TMEM163: variants seen among roughly 807,000 people sequenced by gnomAD.
TMEM163 encodes transmembrane protein 163.
Under a neutral mutation model 29.3 loss-of-function variants are expected in TMEM163, and 17 were observed. That is an observed-to-expected ratio of 0.58 (90% CI 0.40 to 0.87). The LOEUF is 0.87. TMEM163 is among the 40% of genes least tolerant of loss of function. The pLI, the probability that TMEM163 is intolerant of heterozygous loss-of-function variation, is 0.00. For missense variants in TMEM163, 303 were observed against 381.5 expected (o/e 0.79, Z 1.71); for synonymous variants, 157 against 160.6 (o/e 0.98, Z 0.17).
intron 4 of TMEM163, among the ~76,000 whole-genome samples, chr2:134,540,502 G>C (rs765418794): frequency 6.6e-6 from 1 of 152,306 alleles, no homozygotes; most frequent in East Asian, 1.9e-4. Flanking sequence ...AGTTAATTTT[G>C]GGTTGTAGCT....
At chr2:134,603,283 C>T (rs545079689) in intron 2 of TMEM163, among the ~76,000 whole-genome samples, 1 of 152,298 alleles carries the variant, frequency 6.6e-6, no homozygotes, top group Admixed American at 6.5e-5. Context: ...AGTTCAAGTT[C>T]AAAAACCATA....
At chr2:134,617,700 G>A (rs1682640485) in intron 2 of TMEM163, among the ~76,000 whole-genome samples, 4 of 149,760 alleles carry the variant, frequency 2.7e-5, no homozygotes, top group African/African-American at 9.8e-5. Context: ...CAAAAAAAAT[G>A]AGACATAGAA....
rs146433292 is a variant in TMEM163 at position 134,574,847 on chromosome 2, A to G, written c.323-22756T>C. On this transcript the variant is annotated intron_variant, in intron 2 of 7. Transcript: ENST00000281924. Reference sequence around the variant, plus strand: ...CTGCCTAAGGGCTCCCAGGTGAGGGATAGAGTGGCTGCTGAAACCCAGGCC... The same window carrying G: ...CTGCCTAAGGGCTCCCAGGTGAGGGGTAGAGTGGCTGCTGAAACCCAGGCC... Among the ~76,000 whole-genome samples, 72 of 152,272 alleles carry G rather than the reference A, an allele frequency of 4.7e-4. No homozygotes were observed. In the Middle Eastern group the frequency reaches 0.014, roughly 29 times the overall value.
At chr2:134,602,933 C>T (rs1401267274) in intron 2 of TMEM163, among the ~76,000 whole-genome samples, 5 of 152,112 alleles carry the variant, frequency 3.3e-5, no homozygotes, top group Admixed American at 2.6e-4. Flanking sequence ...GTATCTCAGT[C>T]CTCACCTAGC....
At chr2:134,613,480 CA>C in intron 2 of TMEM163, among the ~76,000 whole-genome samples, 1 of 151,980 alleles carries the variant, frequency 6.6e-6, no homozygotes, top group African/African-American at 2.4e-5. Context: ...TACTGAAAGC[CA>C]AAAACAGTGG....
intron 5 of TMEM163, among the ~76,000 whole-genome samples, chr2:134,496,717 G>A (rs375547216): frequency 1.3e-5 from 2 of 152,328 alleles, no homozygotes; most frequent in African/African-American, 4.8e-5. Context: ...GACAAGGAGA[G>A]CTTGGAAGGG....
chr2:134,631,657 C>T (rs1348523528), intron 2 of TMEM163, among the ~76,000 whole-genome samples: 2 of 152,192 alleles, frequency 1.3e-5, no homozygotes, highest in Non-Finnish European at 1.5e-5. Context: ...CTGGGTTCTT[C>T]GTGTTCCATC....
intron 1 of TMEM163, among the ~76,000 whole-genome samples, chr2:134,714,282 A>G (rs1376648014): frequency 2.0e-5 from 3 of 152,204 alleles, no homozygotes; most frequent in Non-Finnish European, 4.4e-5. Context: ...AGCTTATTAC[A>G]CCATCTCTGG....
Position 134,473,866 on chromosome 2 carries a change from G to A in TMEM163, c.556-7641C>T, listed in dbSNP as rs751288918. ...TGTATCAACCGAAGACCTTGAAACTGTAGTGAAAATCCTTCTCACAAAACT... is the reference window on the plus strand; with the variant it reads ...TGTATCAACCGAAGACCTTGAAACTATAGTGAAAATCCTTCTCACAAAACT... On this transcript the variant is annotated intron_variant, in intron 5 of 7. Transcript: ENST00000281924. Among the ~76,000 whole-genome samples the A allele has an allele frequency of 6.6e-4, 101 of 152,200 alleles. 2 individuals carry two copies. The highest frequency in any genetic ancestry group is 1.6e-4 in the Non-Finnish European group (11 of 68,046).
chr2:134,498,643 T>C (rs1679633219), intron 5 of TMEM163, among the ~76,000 whole-genome samples: 2 of 152,174 alleles, frequency 1.3e-5, no homozygotes, highest in South Asian at 4.1e-4. Context: ...GCATGTGGGC[T>C]TTCAAGAGAC....
chr2:134,654,233 G>A (rs1277418602), intron 2 of TMEM163, among the ~76,000 whole-genome samples: 1 of 131,230 alleles, frequency 7.6e-6, no homozygotes, highest in Non-Finnish European at 1.6e-5. Flanking sequence ...GGCTGCTCCT[G>A]TATTGGGTGC....
chr2:134,718,946 T>G lies in TMEM163; in HGVS notation c.-11A>C. 9.6e-7 allele frequency: 1 copy of G among 1,037,396 alleles called. No individual in the cohort carries two copies. Among genetic ancestry groups the G allele is most frequent in the Non-Finnish European group, 1.2e-6 (1 of 865,944 alleles). The allele number at this position is 1,037,396 out of a possible 1,614,324, so 64.3% of individuals were successfully genotyped here. A position where few individuals can be genotyped will look rare whatever the true frequency, so the allele number is the denominator to read the frequency against. On this transcript the variant is annotated 5_prime_UTR_variant, in exon 1 of 8. Coordinates refer to ENST00000281924, the MANE Select transcript of TMEM163 (RefSeq NM_030923.5). ...CGCGGCCGGCTCCATGGCGCGGGGC[T>G]GCGGATCCCGGCGGCGGCGACGACA...
chr2:134,490,953 A>G (rs1196502045), intron 5 of TMEM163, among the ~76,000 whole-genome samples: 1 of 152,230 alleles, frequency 6.6e-6, no homozygotes, highest in Non-Finnish European at 1.5e-5. Context: ...CATGTTGTTC[A>G]TATTATACTT....
chr2:134,644,937 T>C (rs1408802685), intron 2 of TMEM163, among the ~76,000 whole-genome samples: 1 of 152,022 alleles, frequency 6.6e-6, no homozygotes, highest in Non-Finnish European at 1.5e-5. Context: ...ACAACACAAT[T>C]TTGAAAAACG....
chr2:134,554,687 G>A (rs1166034652), intron 2 of TMEM163, among the ~76,000 whole-genome samples: 1 of 152,184 alleles, frequency 6.6e-6, no homozygotes, highest in Non-Finnish European at 1.5e-5. Context: ...TCAAACAAAG[G>A]AGATGGCCAC....
intron 2 of TMEM163, among the ~76,000 whole-genome samples, chr2:134,683,278 T>C (rs1684285651): frequency 6.6e-6 from 1 of 152,086 alleles, no homozygotes; most frequent in Admixed American, 6.5e-5. Flanking sequence ...TGTAGGTTCA[T>C]CAAGTGTAAC....
chr2:134,602,910 GAGTCTACCACCTGTATCTC>G (rs1424910916), intron 2 of TMEM163, among the ~76,000 whole-genome samples: 1 of 151,940 alleles, frequency 6.6e-6, no homozygotes, highest in Non-Finnish European at 1.5e-5. Flanking sequence ...ACACACTCCT[GAGTCTACCACCTGTATCTC>G]AGTCCTCACC....
chr2:134,522,247 G>A (rs944953409), intron 4 of TMEM163, among the ~76,000 whole-genome samples: 1 of 152,196 alleles, frequency 6.6e-6, no homozygotes, highest in African/African-American at 2.4e-5. Context: ...AGGCCAACTA[G>A]GGGCTTGTTT....
intron 2 of TMEM163, among the ~76,000 whole-genome samples, chr2:134,581,637 G>A (rs905354576): frequency 6.6e-6 from 1 of 151,926 alleles, no homozygotes; most frequent in Non-Finnish European, 1.5e-5. Context: ...ATGGGGGCGG[G>A]GGGGAGATGA....
Sources: gnomAD v4.1 joint callset for allele counts (sites outside exome capture counted in the v4.1 genomes callset) on GRCh38, gnomAD v4.1.1 for gene constraint, MANE v1.5 for transcripts, NCBI Gene and HGNC (gene_info 2026-07-23, HGNC 2026-07-21) for gene names.